The following GRID2 variants were observed in gnomAD, a reference collection of about 807,000 sequenced individuals.
GRID2 encodes glutamate receptor ionotropic, delta-2.
A neutral mutation model predicts 114.8 loss-of-function variants in GRID2; 33 were observed. That is an observed-to-expected ratio of 0.29 (90% CI 0.22 to 0.38). The LOEUF is 0.38. Among genes scored for constraint, GRID2 ranks in the 10% least tolerant of loss-of-function variants. The pLI, the probability that GRID2 is intolerant of heterozygous loss-of-function variation, is 1.00. For missense variants in GRID2, 1,184 were observed against 1,257.7 expected, an observed-to-expected ratio of 0.94 and a Z score of 0.89; for synonymous variants, 505 against 449.9, an observed-to-expected ratio of 1.12 and a Z score of -1.55.
intron 14 of GRID2, among the ~76,000 whole-genome samples, chr4:93,725,607 A>C (rs187513087): frequency 0.04 from 6,032 of 150,174 alleles, 210 homozygotes; most frequent in African/African-American, 0.081. Flanking sequence ...CCAACAGTGT[A>C]AAAGTGTTCC....
intron 8 of GRID2, among the ~76,000 whole-genome samples, chr4:93,286,606 G>C (rs912231103): frequency 6.6e-6 from 1 of 151,820 alleles, no homozygotes; most frequent in Non-Finnish European, 1.5e-5. Context: ...TATCACTTAA[G>C]AACCATCTCA....
intron 13 of GRID2, among the ~76,000 whole-genome samples, chr4:93,595,917 T>C (rs908495433): frequency 2.0e-5 from 3 of 152,208 alleles, no homozygotes; most frequent in African/African-American, 7.2e-5. Context: ...GTGCTAGATA[T>C]TTATTTTTCT....
chr4:93,499,748 G>A lies in GRID2; in HGVS notation c.1997+8971G>A, dbSNP rs938110977. Among the ~76,000 whole-genome samples, 7 of 152,006 alleles carry A rather than the reference G, an allele frequency of 4.6e-5. No individual in the cohort carries two copies. The South Asian group carries it at 6.2e-4, about 14-fold the overall frequency. On this transcript the variant is annotated intron_variant, in intron 12 of 15. Coordinates refer to ENST00000282020, the MANE Select transcript of GRID2 (RefSeq NM_001510.4). ...GAGTACCTAACAATAGTATGAATAA[G>A]AGCAGCTAATATTTCTTGAGTGCTT...
chr4:93,165,818 C>T (rs11724865), intron 4 of GRID2, among the ~76,000 whole-genome samples: 8,589 of 152,012 alleles, frequency 0.057, 683 homozygotes, highest in African/African-American at 0.18. Flanking sequence ...GATTGATGGA[C>T]GGCGCAAAAC....
chr4:93,737,402 A>G (rs1293313144), intron 14 of GRID2, among the ~76,000 whole-genome samples: 1 of 152,002 alleles, frequency 6.6e-6, no homozygotes, highest in Non-Finnish European at 1.5e-5. Flanking sequence ...AATACAGAGG[A>G]CATTATCACT....
At chr4:93,398,405 T>C (rs1388137098) in intron 9 of GRID2, among the ~76,000 whole-genome samples, 1 of 151,248 alleles carries the variant, frequency 6.6e-6, no homozygotes, top group Non-Finnish European at 1.5e-5. Context: ...GTTAACCCCT[T>C]CCCTCTTAAT....
intron 2 of GRID2, among the ~76,000 whole-genome samples, chr4:92,727,044 A>T (rs1353341814): frequency 6.6e-6 from 1 of 152,050 alleles, no homozygotes; most frequent in African/African-American, 2.4e-5. Context: ...CTCAAATAAC[A>T]TTCTCAGTTA....
chr4:93,481,676 G>A (rs2149447403), intron 11 of GRID2, among the ~76,000 whole-genome samples: 1 of 152,144 alleles, frequency 6.6e-6, no homozygotes, highest in East Asian at 1.9e-4. Context: ...CAATTGTAAT[G>A]TAACCACAGG....
At chr4:93,369,619 G>T (rs1402236039) in intron 8 of GRID2, among the ~76,000 whole-genome samples, 4 of 152,056 alleles carry the variant, frequency 2.6e-5, no homozygotes, top group African/African-American at 9.7e-5. Flanking sequence ...CTCCCAAGTA[G>T]TTTAGAGGAC....
chr4:93,450,492 T>C (rs1045431633), intron 10 of GRID2, among the ~76,000 whole-genome samples: 1 of 151,892 alleles, frequency 6.6e-6, no homozygotes, highest in African/African-American at 2.4e-5. Context: ...CTTAGCATTA[T>C]ATTCAAGAAT....
chr4:93,187,960 A>G (rs1012494726), intron 4 of GRID2, among the ~76,000 whole-genome samples: 1 of 152,200 alleles, frequency 6.6e-6, no homozygotes. Context: ...CCCTGCCCAC[A>G]TGGGTTTGCA....
chr4:92,968,395 C>A (rs1467993356), intron 2 of GRID2, among the ~76,000 whole-genome samples: 1 of 151,846 alleles, frequency 6.6e-6, no homozygotes, highest in East Asian at 1.9e-4. Context: ...CATGTCTGGC[C>A]TTTGAATTTG....
At chr4:93,681,399 GA>G (rs890808582) in intron 14 of GRID2, among the ~76,000 whole-genome samples, 1 of 151,394 alleles carries the variant, frequency 6.6e-6, no homozygotes, top group African/African-American at 2.4e-5. Flanking sequence ...AGCTACCAAT[GA>G]CTTTCTTCAC....
At chr4:92,412,717 C>T (rs150804947) in intron 1 of GRID2, among the ~76,000 whole-genome samples, 130 of 152,126 alleles carry the variant, frequency 8.5e-4, no homozygotes, top group African/African-American at 3.0e-3. Flanking sequence ...TTAGCCCATC[C>T]ACATACCCTG....
At chr4:92,559,008 T>G (rs1726994608) in intron 1 of GRID2, among the ~76,000 whole-genome samples, 1 of 152,186 alleles carries the variant, frequency 6.6e-6, no homozygotes, top group Non-Finnish European at 1.5e-5. Context: ...TTAACTGTTC[T>G]CCAGTTTTCA....
chr4:92,854,660 T>C lies in GRID2; in HGVS notation c.245-230335T>C, dbSNP rs148391831. Among the ~76,000 whole-genome samples the C allele has an allele frequency of 3.8e-3, 579 of 152,090 alleles. 2 individuals are homozygous for C. The highest frequency in any genetic ancestry group is 0.013 in the African/African-American group (560 of 41,522). On this transcript the variant is annotated intron_variant, in intron 2 of 15. Transcript: ENST00000282020. ...AGTCAGGAAAAGTAAACTTTAAATATATGTTTTAAAAAATTACACAATAGT... is the reference window on the plus strand; with the variant it reads ...AGTCAGGAAAAGTAAACTTTAAATACATGTTTTAAAAAATTACACAATAGT...
chr4:92,943,130 G>T (rs1420967676), intron 2 of GRID2, among the ~76,000 whole-genome samples: 1 of 152,134 alleles, frequency 6.6e-6, no homozygotes, highest in African/African-American at 2.4e-5. Flanking sequence ...TTGCTAGATT[G>T]AGGAAGTTCT....
intron 4 of GRID2, among the ~76,000 whole-genome samples, chr4:93,152,916 A>G (rs1736861519): frequency 6.6e-6 from 1 of 152,076 alleles, no homozygotes; most frequent in South Asian, 2.1e-4. Flanking sequence ...AAAACAACCA[A>G]CCTGGTTGTC....
chr4:92,325,896 C>T (rs1560568628), intron 1 of GRID2, among the ~76,000 whole-genome samples: 1 of 151,560 alleles, frequency 6.6e-6, no homozygotes, highest in Admixed American at 6.6e-5. Context: ...TTCTTAATTT[C>T]TTTTAACTTT....
Sources: gnomAD v4.1 joint callset for allele counts (sites outside exome capture counted in the v4.1 genomes callset) on GRCh38, gnomAD v4.1.1 for gene constraint, MANE v1.5 for transcripts, NCBI Gene and HGNC (gene_info 2026-07-23, HGNC 2026-07-21) for gene names.